The following CEP135 variants were observed in gnomAD, a reference collection of about 807,000 sequenced individuals.
CEP135 encodes centrosomal protein of 135 kDa.
A neutral mutation model predicts 157.3 loss-of-function variants in CEP135; 142 were observed. That is an observed-to-expected ratio of 0.90 (90% confidence interval 0.79 to 1.04). The LOEUF is 1.04. CEP135 is among the 50% of genes least tolerant of loss of function. CEP135 has a pLI of 0.00. For synonymous variants in CEP135, 396 were observed against 439.8 expected (o/e 0.90, Z 1.25); for missense variants, 1,317 against 1,309.2 (o/e 1.01, Z -0.09).
chr4:56,015,061 T>G (rs1730724787), intron 21 of CEP135, among the ~76,000 whole-genome samples: 1 of 151,452 alleles, frequency 6.6e-6, no homozygotes, highest in South Asian at 2.1e-4. Flanking sequence ...GAAAAAAAAA[T>G]AAACCAGGAC....
At chr4:56,014,492 CT>C (rs924830751) in intron 21 of CEP135, among the ~76,000 whole-genome samples, 25 of 152,316 alleles carry the variant, frequency 1.6e-4, no homozygotes, top group African/African-American at 5.5e-4. Flanking sequence ...AATGTTTCCT[CT>C]GGTGATGTCT....
chr4:56,020,437 A>T (rs564966232), intron 23 of CEP135, among the ~76,000 whole-genome samples: 6 of 152,342 alleles, frequency 3.9e-5, no homozygotes, highest in South Asian at 2.1e-4. Flanking sequence ...GTTACCATTT[A>T]TGTCTCGTTC....
chr4:55,975,183 A>G (rs1292794121), intron 11 of CEP135, among the ~76,000 whole-genome samples: 4 of 152,220 alleles, frequency 2.6e-5, no homozygotes, highest in Non-Finnish European at 5.9e-5. Context: ...TGGAAATTAA[A>G]GGAAAGGTTG....
chr4:55,955,314 A>C (rs1162852029), intron 4 of CEP135, among the ~76,000 whole-genome samples: 1 of 152,228 alleles, frequency 6.6e-6, no homozygotes, highest in Non-Finnish European at 1.5e-5. Flanking sequence ...TGAAGATTGC[A>C]GTCAGAGTGG....
At chr4:55,994,540 G>A (rs550655487) in intron 15 of CEP135, among the ~76,000 whole-genome samples, 3 of 152,182 alleles carry the variant, frequency 2.0e-5, no homozygotes, top group South Asian at 2.1e-4. Flanking sequence ...GAGTGAGACT[G>A]TCTCAGATAG....
intron 2 of CEP135, 99 bp from the exon 3 acceptor site, chr4:55,952,985 GT>G: frequency 1.0e-6 from 1 of 988,928 alleles, no homozygotes; most frequent in Non-Finnish European, 1.4e-6. Flanking sequence ...ATGTCATCAT[GT>G]GGTGCATGAC....
At chr4:56,010,582 G>A (rs1239531374) in intron 19 of CEP135, among the ~76,000 whole-genome samples, 2 of 152,090 alleles carry the variant, frequency 1.3e-5, no homozygotes, top group Non-Finnish European at 2.9e-5. Context: ...CCCTCCCAGA[G>A]CAAAGTTTCT....
intron 14 of CEP135, among the ~76,000 whole-genome samples, chr4:55,989,366 A>G (rs534153238): frequency 2.8e-4 from 42 of 152,354 alleles, no homozygotes; most frequent in African/African-American, 9.4e-4. Context: ...ACAGTCATAT[A>G]AAGTAAATGC....
At chr4:56,024,911 G>C (rs1337403372) in intron 25 of CEP135, among the ~76,000 whole-genome samples, 1 of 151,894 alleles carries the variant, frequency 6.6e-6, no homozygotes, top group Non-Finnish European at 1.5e-5. Context: ...GCTGAGGCTG[G>C]AGGATCACCT....
rs897983657 is a variant in CEP135, at chr4:56,033,304, T to C, written c.*1956T>C. ...TTTTATAGATGTTTTTGATTTTGTT[T>C]TAAATAATTTTAAATTATGGAGCTT... On this transcript the variant is annotated 3_prime_UTR_variant, in exon 26 of 26. Coordinates refer to ENST00000257287, the MANE Select transcript of CEP135 (RefSeq NM_025009.5). The C allele has an allele frequency of 1.8e-4, 27 of 152,276 alleles. No individual in the cohort carries two copies. Among genetic ancestry groups the C allele is most frequent in the Admixed American group, 1.8e-3 (27 of 15,298 alleles). 9.4% of individuals were successfully genotyped at this position (152,276 alleles called of 1,614,324 possible). A position where few individuals can be genotyped will look rare whatever the true frequency, so the allele number is the denominator to read the frequency against.
intron 19 of CEP135, 120 bp from the exon 20 acceptor site, chr4:56,011,292 C>A: frequency 1.5e-6 from 1 of 646,622 alleles, no homozygotes; most frequent in Non-Finnish European, 2.6e-6. Flanking sequence ...CACTTAGGAA[C>A]AGTTTTCCTT....
At chr4:56,021,666 G>A (rs1177122658) in intron 24 of CEP135, among the ~76,000 whole-genome samples, 4 of 151,980 alleles carry the variant, frequency 2.6e-5, no homozygotes, top group East Asian at 1.9e-4. Flanking sequence ...ACCTATTTAC[G>A]TCAAAACTTT....
Position 56,013,170 on chromosome 4 carries a change from A to G in CEP135, c.2802+1185A>G, listed in dbSNP as rs573623198. ...ATGTTGAGCATCTTTTCATTTGTTT[A>G]TTGACGATTTGTGTATCTTCTTTGG... On this transcript the variant is annotated intron_variant, in intron 21 of 25. Transcript: ENST00000257287. Among the ~76,000 whole-genome samples, 7 of 152,138 alleles carry G rather than the reference A, an allele frequency of 4.6e-5. No homozygotes were observed. The East Asian group carries it at 1.2e-3, about 25-fold the overall frequency.
Position 56,019,503 on chromosome 4 carries a change from G to C in CEP135, c.3163G>C (p.Asp1055His). The C allele has an allele frequency of 6.2e-7, 1 of 1,613,962 alleles. No individual in the cohort carries two copies. Among genetic ancestry groups the C allele is most frequent in the Non-Finnish European group, 8.5e-7 (1 of 1,179,978 alleles). Residue 1055 changes from aspartate to histidine, a missense_variant, in exon 23 of 26, where the codon GAT becomes CAT. Asp to His is a moderately conservative substitution (Grantham distance 81). Coordinates refer to ENST00000257287, the MANE Select transcript of CEP135 (RefSeq NM_025009.5). ...TTCTCACTTAACCTCCCACGAGAAG[G>C]ATACAGAAATCCAGCTACTTAAGGA... is the stretch of plus-strand genomic sequence containing the variant. ...FHSHLTSHEK[D>H]TEIQLLKEKL...
chr4:56,009,616 A>G (rs1577905478), intron 18 of CEP135, 119 bp from the exon 19 acceptor site: 2 of 840,726 alleles, frequency 2.4e-6, no homozygotes, highest in East Asian at 5.7e-5. Flanking sequence ...CAGCAGTTAT[A>G]ATTTCTTATA....
In CEP135 at chr4:56,033,048, ATGGGAC is replaced by A. The variant is rs1731417467; in HGVS notation, c.*1703_*1708del. On this transcript the variant is annotated 3_prime_UTR_variant, in exon 26 of 26. Coordinates refer to ENST00000257287, the MANE Select transcript of CEP135 (RefSeq NM_025009.5). ...TATATTATAGCAAAATACAAGAGAC[ATGGGAC>A]TGTTTGCAATACCATATGGAAATCT... is the stretch of plus-strand genomic sequence containing the variant. The A allele has an allele frequency of 6.6e-6, 1 of 152,182 alleles. No individual in the cohort carries two copies. Among genetic ancestry groups the A allele is most frequent in the Admixed American group, 6.5e-5 (1 of 15,270 alleles). The allele number at this position is 152,182 out of a possible 1,614,324, so 9.4% of individuals were successfully genotyped here. A position where few individuals can be genotyped will look rare whatever the true frequency, so the allele number is the denominator to read the frequency against.
intron 22 of CEP135, among the ~76,000 whole-genome samples, chr4:56,018,521 G>C (rs762612223): frequency 6.6e-6 from 1 of 152,160 alleles, no homozygotes; most frequent in Non-Finnish European, 1.5e-5. Flanking sequence ...ACTTTGGGAA[G>C]TCGAGTCAGG....
chr4:55,953,560 A>G (rs947306271), intron 3 of CEP135, among the ~76,000 whole-genome samples: 7 of 152,162 alleles, frequency 4.6e-5, no homozygotes, highest in African/African-American at 7.2e-5. Flanking sequence ...CTGAAATACT[A>G]TAGGGTATGT....
rs759277854 is a variant in CEP135 at position 56,009,899 on chromosome 4, A to G, written c.2501A>G (p.Asn834Ser). ...QDDLATMARE[N>S]QEISLELEAA... ...GACCTGGCTACAATGGCAAGAGAAAATCAAGTATGAACACAAGGCATAAAT... is the reference window on the plus strand; with the variant it reads ...GACCTGGCTACAATGGCAAGAGAAAGTCAAGTATGAACACAAGGCATAAAT... Residue 834 changes from asparagine to serine, a missense_variant, in exon 19 of 26, where the codon AAT becomes AGT. By Grantham distance (46) the Asn-to-Ser change is conservative. Coordinates refer to ENST00000257287, the MANE Select transcript of CEP135 (RefSeq NM_025009.5). 30 of 1,612,784 alleles carry G rather than the reference A, an allele frequency of 1.9e-5. No homozygotes were observed. The Admixed American group carries it at 3.3e-4, about 18-fold the overall frequency.
Sources: gnomAD v4.1 joint callset for allele counts (sites outside exome capture counted in the v4.1 genomes callset) on GRCh38, gnomAD v4.1.1 for gene constraint, MANE v1.5 for transcripts, NCBI Gene and HGNC (gene_info 2026-07-23, HGNC 2026-07-21) for gene names.